DHX57: variants seen among roughly 807,000 people sequenced by gnomAD.
The protein encoded by DHX57 is putative ATP-dependent RNA helicase DHX57.
DHX57 carries 105 observed loss-of-function variants against 156.2 expected under a neutral mutation model. That is an observed-to-expected ratio of 0.67 (90% confidence interval 0.57 to 0.79). The LOEUF (loss-of-function observed/expected upper bound fraction) is 0.79, where lower values mean the gene tolerates loss of function less well. Ranked by LOEUF, DHX57 falls within the 30% of genes least tolerant of loss-of-function variation. DHX57 has a pLI of 0.00. For missense variants in DHX57, 1,847 were observed against 1,661.9 expected (o/e 1.11, Z -1.94); for synonymous variants, 704 against 595.6 (o/e 1.18, Z -2.65).
In DHX57 at chr2:38,826,565, T is replaced by C; in HGVS notation, c.2764A>G (p.Ile922Val). Reference sequence around the variant, plus strand: ...TCGATAACATAGACAACATCATCGATGGTTATGGATGTCTCAGCAATGTTG... The same window carrying C: ...TCGATAACATAGACAACATCATCGACGGTTATGGATGTCTCAGCAATGTTG... ...STNIAETSITIDDVVYVIDSG... is the reference protein window; with the variant it reads ...STNIAETSITVDDVVYVIDSG... The change falls in exon 15 of 24, where the codon ATC becomes GTC. Residue 922 changes from isoleucine to valine, a missense_variant. Physicochemically the swap from Ile to Val is conservative, Grantham distance 29. Coordinates refer to ENST00000457308, the MANE Select transcript of DHX57 (RefSeq NM_198963.3). The C allele has an allele frequency of 6.2e-7, 1 of 1,614,126 alleles. No individual in the cohort carries two copies.
intron 13 of DHX57, among the ~76,000 whole-genome samples, chr2:38,831,557 G>A (rs1256592401): frequency 6.6e-6 from 1 of 151,774 alleles, no homozygotes; most frequent in Non-Finnish European, 1.5e-5. Flanking sequence ...CTTCTCCTTT[G>A]GAATGAAATG....
intron 20 of DHX57, 69 bp downstream of exon 20, chr2:38,815,452 T>A (rs1256443651): frequency 6.3e-7 from 1 of 1,592,056 alleles, no homozygotes; most frequent in Admixed American, 1.7e-5. Flanking sequence ...TGTCTACAAG[T>A]GTTCCCAGGT....
intron 1 of DHX57, among the ~76,000 whole-genome samples, chr2:38,872,954 A>G (rs1572721116): frequency 1.3e-5 from 2 of 152,142 alleles, no homozygotes; most frequent in South Asian, 4.1e-4. Context: ...ATTTTCCAGG[A>G]TATAGACCAT....
chr2:38,827,550 A>G (rs1188075330), intron 14 of DHX57, among the ~76,000 whole-genome samples: 1 of 143,090 alleles, frequency 7.0e-6, no homozygotes, highest in Non-Finnish European at 1.5e-5. Flanking sequence ...ATACATATAT[A>G]TACACATACA....
chr2:38,863,873 C>T (rs112447028), intron 2 of DHX57, among the ~76,000 whole-genome samples: 2,069 of 151,998 alleles, frequency 0.014, 44 homozygotes, highest in African/African-American at 0.048. Flanking sequence ...ATTATCTGGG[C>T]GTGGCAGTGC....
intron 2 of DHX57, among the ~76,000 whole-genome samples, chr2:38,864,499 T>C (rs1263340809): frequency 6.6e-6 from 1 of 152,208 alleles, no homozygotes; most frequent in Non-Finnish European, 1.5e-5. Context: ...CATGCTCCTA[T>C]CTTAAAGTCA....
chr2:38,861,381 A>G lies in DHX57; in HGVS notation c.1029T>C (p.Leu343=), dbSNP rs755664898. Reference sequence around the variant, plus strand: ...AAAAAGATGCATCTTCAATAGCATTAAGATGAGAATCATCTACACTTCTTT... The same window carrying G: ...AAAAAGATGCATCTTCAATAGCATTGAGATGAGAATCATCTACACTTCTTT... ...RIERSVDDSH[L]NAIEDASFLY... Residue 343 remains leucine, a synonymous_variant, in exon 5 of 24, where the codon CTT becomes CTC. Coordinates refer to ENST00000457308, the MANE Select transcript of DHX57 (RefSeq NM_198963.3). 1 of 1,613,918 alleles carries G rather than the reference A, an allele frequency of 6.2e-7. No homozygotes were observed. Among genetic ancestry groups the G allele is most frequent in the East Asian group, 2.2e-5 (1 of 44,874 alleles).
chr2:38,842,754 T>C (rs896723367), intron 12 of DHX57, among the ~76,000 whole-genome samples: 3 of 152,200 alleles, frequency 2.0e-5, no homozygotes, highest in African/African-American at 7.2e-5. Flanking sequence ...TATATTTTAC[T>C]ACCTCACAAT....
In DHX57 at chr2:38,840,564, TG is replaced by T. The variant is rs547625723; in HGVS notation, c.2425+2440del. Among the ~76,000 whole-genome samples, 328 of 121,526 alleles carry T rather than the reference TG, an allele frequency of 2.7e-3. 2 individuals are homozygous for T. Among genetic ancestry groups the T allele is most frequent in the African/African-American group, 8.4e-3 (311 of 36,886 alleles). The allele number at this position is 121,526 out of a possible 152,430, so 79.7% of individuals were successfully genotyped here. A position where few individuals can be genotyped will look rare whatever the true frequency, so the allele number is the denominator to read the frequency against. On this transcript the variant is annotated intron_variant, in intron 12 of 23. Transcript: ENST00000457308. ...CCTGGCTAATTTTTGTAAGGACTTT[TG>T]TTTTTTTTAAAACAAACAAACAAAC...
intron 21 of DHX57, among the ~76,000 whole-genome samples, chr2:38,813,415 G>T (rs1670372236): frequency 6.6e-6 from 1 of 151,358 alleles, no homozygotes; most frequent in African/African-American, 2.4e-5. Flanking sequence ...CTGTCACCCA[G>T]GCTGGAGTGC....
chr2:38,855,872 G>A (rs1348726662), intron 7 of DHX57, among the ~76,000 whole-genome samples: 5 of 152,116 alleles, frequency 3.3e-5, no homozygotes, highest in Non-Finnish European at 7.4e-5. Context: ...CGAGGCAGGC[G>A]GATCACTTGA....
intron 4 of DHX57, 87 bp downstream of exon 4, chr2:38,862,058 A>G (rs1673256754): frequency 1.4e-6 from 2 of 1,426,752 alleles, no homozygotes; most frequent in East Asian, 4.8e-5. Flanking sequence ...ACATAATAGG[A>G]AAGTACACAA....
chr2:38,862,268 G>A lies in DHX57; in HGVS notation c.449C>T (p.Pro150Leu). Reference sequence around the variant, plus strand: ...AACGAGGGAAGGTTCCTGTCCAGCTGGCCAGTACCGCTCATCGTTACAGCA... The same window carrying A: ...AACGAGGGAAGGTTCCTGTCCAGCTAGCCAGTACCGCTCATCGTTACAGCA... ...PDCCNDERYW[P>L]AGQEPSLVPD... The change falls in exon 4 of 24, where the codon CCA becomes CTA. Residue 150 changes from proline to leucine, a missense_variant. By Grantham distance (98) the Pro-to-Leu change is moderately conservative (BLOSUM62 -3). Coordinates refer to ENST00000457308, the MANE Select transcript of DHX57 (RefSeq NM_198963.3). 6.2e-7 allele frequency: 1 copy of A among 1,613,112 alleles called. No individual in the cohort carries two copies.
At chr2:38,870,347 C>G (rs902842019) in intron 1 of DHX57, among the ~76,000 whole-genome samples, 1 of 152,226 alleles carries the variant, frequency 6.6e-6, no homozygotes, top group East Asian at 1.9e-4. Context: ...AATCAATAAC[C>G]TCTACATGCA....
In DHX57 at chr2:38,843,045, A is replaced by G; in HGVS notation, c.2385T>C (p.Asp795=). Residue 795 remains aspartate, a synonymous_variant, in exon 12 of 24, where the codon GAT becomes GAC. Coordinates refer to ENST00000457308, the MANE Select transcript of DHX57 (RefSeq NM_198963.3). ...GGAGCTGCTTAAAATCTAACTGTTG[A>G]TCTGGCACTGCATCTTTGACAGAAT... ...DQDSVKDAVP[D]QQLDFKQLLA... 5.6e-6 allele frequency: 9 copies of G among 1,614,164 alleles called. No homozygotes were observed. The highest frequency in any genetic ancestry group is 7.6e-6 in the Non-Finnish European group (9 of 1,180,010).
chr2:38,875,253 A>G (rs750705613), intron 1 of DHX57, among the ~76,000 whole-genome samples: 1 of 152,212 alleles, frequency 6.6e-6, no homozygotes, highest in African/African-American at 2.4e-5. Flanking sequence ...TTTCTTCACC[A>G]TGGATACAGG....
At chr2:38,828,690 T>C (rs949561285) in intron 13 of DHX57, among the ~76,000 whole-genome samples, 3 of 151,150 alleles carry the variant, frequency 2.0e-5, no homozygotes, top group African/African-American at 7.3e-5. Flanking sequence ...GCCACTGCAC[T>C]CTAGCCTGGG....
chr2:38,857,697 T>A (rs1672970574), intron 6 of DHX57, among the ~76,000 whole-genome samples: 1 of 152,226 alleles, frequency 6.6e-6, no homozygotes, highest in Admixed American at 6.5e-5. Context: ...AACTTTGCCC[T>A]CAGGATTCAC....
chr2:38,855,265 A>T lies in DHX57; in HGVS notation c.1710-13T>A. On this transcript the variant is annotated splice_polypyrimidine_tract_variant and intron_variant, in intron 7 of 23. Coordinates refer to ENST00000457308, the MANE Select transcript of DHX57 (RefSeq NM_198963.3). ...GGTTTTCCCACATCTGTACATTAAA[A>T]CAAATAAGTCCTAAAATGAAGTTTT... 1 of 1,614,076 alleles carries T rather than the reference A, an allele frequency of 6.2e-7. No homozygotes were observed. Among genetic ancestry groups the T allele is most frequent in the Non-Finnish European group, 8.5e-7 (1 of 1,179,904 alleles).
Sources: gnomAD v4.1 joint callset for allele counts (sites outside exome capture counted in the v4.1 genomes callset) on GRCh38, gnomAD v4.1.1 for gene constraint, MANE v1.5 for transcripts, NCBI Gene and HGNC (gene_info 2026-07-23, HGNC 2026-07-21) for gene names.